The following SLC39A11 variants were observed in gnomAD, a reference collection of about 807,000 sequenced individuals.
SLC39A11 encodes solute carrier family 39 member 11.
A neutral mutation model predicts 36.1 loss-of-function variants in SLC39A11; 33 were observed. The observed-to-expected ratio is 0.91, with a 90% CI of 0.69 to 1.22. SLC39A11 has a LOEUF of 1.22. Ranked by LOEUF, SLC39A11 falls within the 50% of genes most tolerant of loss-of-function variation. The probability of loss-of-function intolerance (pLI) is 0.00; values close to 1 mark genes in which losing one functional copy is unlikely to be tolerated. For synonymous variants in SLC39A11, 166 were observed against 170.3 expected (o/e 0.97, Z 0.20); for missense variants, 432 against 430.3 (o/e 1.00, Z -0.03).
chr17:72,848,454 T>C (rs367664376), intron 6 of SLC39A11, among the ~76,000 whole-genome samples: 26 of 152,314 alleles, frequency 1.7e-4, no homozygotes, highest in African/African-American at 6.0e-4. Flanking sequence ...GCGTGGTAGC[T>C]CACGCCTGTA....
chr17:72,846,024 T>C (rs1466871550), intron 6 of SLC39A11, among the ~76,000 whole-genome samples: 3 of 113,792 alleles, frequency 2.6e-5, no homozygotes, highest in Middle Eastern at 4.1e-3. Context: ...CTCTCTTTTT[T>C]TTTTTTTTTT....
chr17:73,040,035 C>G (rs1052650994), intron 3 of SLC39A11, among the ~76,000 whole-genome samples: 1 of 152,196 alleles, frequency 6.6e-6, no homozygotes, highest in Non-Finnish European at 1.5e-5. Context: ...AAGCTGAAGT[C>G]CGAGATGAAT....
At chr17:72,865,336 A>G (rs941764297) in intron 5 of SLC39A11, among the ~76,000 whole-genome samples, 1 of 151,546 alleles carries the variant, frequency 6.6e-6, no homozygotes, top group East Asian at 2.0e-4. Context: ...AGGGGGAAAA[A>G]ATTATGCACC....
At chr17:72,852,230 A>C (rs1456616821) in intron 5 of SLC39A11, among the ~76,000 whole-genome samples, 2 of 135,284 alleles carry the variant, frequency 1.5e-5, no homozygotes, top group African/African-American at 5.3e-5. Context: ...AAAAAAAAAC[A>C]GAAAGAAAGA....
chr17:72,778,910 A>G (rs186152149), intron 6 of SLC39A11, among the ~76,000 whole-genome samples: 7 of 152,260 alleles, frequency 4.6e-5, no homozygotes, highest in African/African-American at 9.6e-5. Flanking sequence ...GAGTTCTTTT[A>G]TGGATCCAGT....
At chr17:72,889,095 G>C (rs1394897474) in intron 5 of SLC39A11, among the ~76,000 whole-genome samples, 2 of 152,078 alleles carry the variant, frequency 1.3e-5, no homozygotes, top group Non-Finnish European at 2.9e-5. Context: ...TAAAAGGGAG[G>C]TTCGATCAAT....
chr17:72,807,753 G>A (rs577683349), intron 6 of SLC39A11, among the ~76,000 whole-genome samples: 1 of 152,198 alleles, frequency 6.6e-6, no homozygotes, highest in African/African-American at 2.4e-5. Context: ...TTCCTGAGTT[G>A]TATCCTTTTA....
chr17:73,031,656 G>A lies in SLC39A11; in HGVS notation c.206C>T (p.Ser69Phe), dbSNP rs1443357365. The change falls in exon 4 of 10, where the codon TCC becomes TTC. Residue 69 changes from serine (S) to phenylalanine (F), a missense_variant. Transcript: ENST00000255559. ...GGCAAAGGCACCGAAGCCCCCAGAG[G>A]ACGTGGCCATCTCAACTGCTGGGGC... ...LLAPAVEMAT[S>F]SGGFGAFAFF... 1 of 1,614,148 alleles carries A rather than the reference G, an allele frequency of 6.2e-7. No individual in the cohort carries two copies. Among genetic ancestry groups the A allele is most frequent in the Non-Finnish European group, 8.5e-7 (1 of 1,180,028 alleles).
intron 6 of SLC39A11, among the ~76,000 whole-genome samples, chr17:72,833,267 C>T (rs150702661): frequency 4.6e-5 from 7 of 152,266 alleles, no homozygotes; most frequent in East Asian, 3.9e-4. Context: ...TATTAATAAC[C>T]GTCCTCTTTT....
intron 7 of SLC39A11, among the ~76,000 whole-genome samples, chr17:72,683,147 G>A (rs529194489): frequency 1.6e-3 from 245 of 152,198 alleles, no homozygotes; most frequent in Non-Finnish European, 2.3e-3. Flanking sequence ...TTTACTACAG[G>A]TAACTGTTGG....
At position 73,082,116 on chromosome 17, in the gene SLC39A11, TAAAAAAAAAGAAA is replaced by T. The variant is rs2060560142; in HGVS notation, c.147+2679_147+2691del. 7.5e-5 allele frequency among the ~76,000 whole-genome samples: 6 copies of T among 80,364 alleles called. No homozygotes were observed. In the Admixed American group the frequency reaches 1.0e-3, roughly 14 times the overall value. The allele number at this position is 80,364 out of a possible 152,430, so 52.7% of individuals were successfully genotyped here. ...TGTTCCCCCCAAAACCTACTGAAAC[TAAAAAAAAAGAAA>T]AAAAAAAAAAAAAGGGCAAAAATAA... On this transcript the variant is annotated intron_variant, in intron 3 of 9. Transcript: ENST00000255559.
Position 72,693,405 on chromosome 17 carries a change from C to G in SLC39A11, c.671+43245G>C, listed in dbSNP as rs534295179. ...GTTCAGACTGGCAGTGCTGCCCTCT[C>G]TTTAGAATGCTTTAAACAGGCAGCT... On this transcript the variant is annotated intron_variant, in intron 7 of 9. Coordinates refer to ENST00000255559, the MANE Select transcript of SLC39A11 (RefSeq NM_139177.4). Among the ~76,000 whole-genome samples the G allele has an allele frequency of 4.9e-4, 74 of 152,368 alleles. 1 individual carries two copies. Among genetic ancestry groups the G allele is most frequent in the African/African-American group, 1.7e-3 (72 of 41,586 alleles).
At chr17:72,727,279 G>A (rs975082551) in intron 7 of SLC39A11, among the ~76,000 whole-genome samples, 3 of 152,322 alleles carry the variant, frequency 2.0e-5, no homozygotes, top group African/African-American at 4.8e-5. Context: ...GCTTAAGCAT[G>A]CAATTCCCCA....
chr17:73,084,731 C>A (rs2060663333), intron 3 of SLC39A11, 77 bp downstream of exon 3: 1 of 1,484,174 alleles, frequency 6.7e-7, no homozygotes. Context: ...AGGGGAGGGA[C>A]TGAAGACAGC....
chr17:72,655,838 T>TA (rs995775512), intron 7 of SLC39A11, among the ~76,000 whole-genome samples: 1 of 152,098 alleles, frequency 6.6e-6, no homozygotes, highest in African/African-American at 2.4e-5. Context: ...GTGGCAGGGA[T>TA]AGTCTCTCAG....
At chr17:72,920,813 C>G (rs963321418) in intron 5 of SLC39A11, among the ~76,000 whole-genome samples, 1 of 150,654 alleles carries the variant, frequency 6.6e-6, no homozygotes, top group African/African-American at 2.4e-5. Context: ...ACTTCCCACC[C>G]TATCTATAAC....
chr17:72,691,756 A>C (rs985614568), intron 7 of SLC39A11, among the ~76,000 whole-genome samples: 3 of 152,082 alleles, frequency 2.0e-5, no homozygotes, highest in Admixed American at 6.6e-5. Context: ...GATGACTTTC[A>C]TTTGGGAATG....
At chr17:72,870,010 TTGC>T in intron 5 of SLC39A11, among the ~76,000 whole-genome samples, 1 of 152,146 alleles carries the variant, frequency 6.6e-6, no homozygotes, top group Non-Finnish European at 1.5e-5. Context: ...GTTTTGCAGC[TTGC>T]TTTTTTTTTC....
At chr17:72,932,937 T>C (rs531593016) in intron 5 of SLC39A11, among the ~76,000 whole-genome samples, 1 of 152,314 alleles carries the variant, frequency 6.6e-6, no homozygotes, top group Admixed American at 6.5e-5. Flanking sequence ...GTGGTGGCTT[T>C]TCAAATATGC....
Sources: gnomAD v4.1 joint callset for allele counts (sites outside exome capture counted in the v4.1 genomes callset) on GRCh38, gnomAD v4.1.1 for gene constraint, MANE v1.5 for transcripts, NCBI Gene and HGNC (gene_info 2026-07-23, HGNC 2026-07-21) for gene names.